Variants in WDR12 observed in about 807,000 individuals in gnomAD.
The protein encoded by WDR12 is ribosome biogenesis protein WDR12.
A neutral mutation model predicts 64.3 loss-of-function variants in WDR12; 42 were observed. That is an observed-to-expected ratio of 0.65 (90% CI 0.51 to 0.84). The LOEUF (loss-of-function observed/expected upper bound fraction) is 0.84. Ranked by LOEUF, WDR12 falls within the 40% of genes least tolerant of loss-of-function variation. The pLI is 0.00. For synonymous variants in WDR12, 158 were observed against 173.3 expected (o/e 0.91, Z 0.70); for missense variants, 469 against 494.6 (o/e 0.95, Z 0.49).
intron 11 of WDR12, 196 bp downstream of exon 11, chr2:202,883,413 G>A (rs965899999): frequency 8.5e-5 from 44 of 517,994 alleles, no homozygotes; most frequent in Non-Finnish European, 1.4e-4. Flanking sequence ...TGGGATTACA[G>A]GTGTGAGCCA....
At chr2:202,881,040 A>ACTGCTC (rs1687940549) in intron 12 of WDR12, 103 bp from the exon 13 acceptor site, 1 of 1,029,054 alleles carries the variant, frequency 9.7e-7, no homozygotes, top group Admixed American at 2.8e-5. Flanking sequence ...TTACAAAAGG[A>ACTGCTC]ATTATGGGTG....
Position 202,911,560 on chromosome 2 carries a change from A to C in WDR12, c.-84T>G. ...GAAGCTCCTGCCTTTTAAGACTACA[A>C]AGAGGCAGCTCAAAATTAGACTGCA... is the stretch of plus-strand genomic sequence containing the variant. On this transcript the variant is annotated 5_prime_UTR_variant, in exon 1 of 13. Coordinates refer to ENST00000261015, the MANE Select transcript of WDR12 (RefSeq NM_018256.4). 7.7e-7 allele frequency: 1 copy of C among 1,306,720 alleles called. No individual in the cohort carries two copies. The highest frequency in any genetic ancestry group is 1.2e-5 in the South Asian group (1 of 84,426). The allele number at this position is 1,306,720 out of a possible 1,614,324, so 80.9% of individuals were successfully genotyped here.
At chr2:202,899,743 A>C in intron 3 of WDR12, 106 bp from the exon 4 acceptor site, 2 of 998,462 alleles carry the variant, frequency 2.0e-6, no homozygotes, top group South Asian at 3.2e-5. Context: ...CCTTCATATT[A>C]GTCCCCTTTA....
At position 202,880,714 on chromosome 2, in the gene WDR12, A is replaced by G. The variant is rs1687933633; in HGVS notation, c.*146T>C. 2.0e-6 allele frequency: 1 copy of G among 493,944 alleles called. No homozygotes were observed. Among genetic ancestry groups the G allele is most frequent in the Non-Finnish European group, 3.5e-6 (1 of 288,704 alleles). The allele number at this position is 493,944 out of a possible 1,614,324, so 30.6% of individuals were successfully genotyped here. On this transcript the variant is annotated 3_prime_UTR_variant, in exon 13 of 13. Transcript: ENST00000261015. ...TCTTATTATAAATACAAAATAAGAA[A>G]AAGTGATACGTTAGCTGTTATGAAG... is the stretch of plus-strand genomic sequence containing the variant.
Position 202,899,032 on chromosome 2 carries a change from G to GTTTT in WDR12, c.338+495_338+498dup, listed in dbSNP as rs779419072. ...GAGTACCTATTAATAAATACCTGTGGTTTTTTTTTTTTTTTTTTTTTTTTT... is the reference window on the plus strand; with the variant it reads ...GAGTACCTATTAATAAATACCTGTGGTTTTTTTTTTTTTTTTTTTTTTTTTTTTT... On this transcript the variant is annotated intron_variant, in intron 4 of 12. Transcript: ENST00000261015. Among the ~76,000 whole-genome samples, 116 of 73,680 alleles carry GTTTT rather than the reference G, an allele frequency of 1.6e-3. 11 individuals carry two copies. The highest frequency in any genetic ancestry group is 5.9e-3 in the African/African-American group (110 of 18,518). The allele number at this position is 73,680 out of a possible 152,430, so 48.3% of individuals were successfully genotyped here. A position where few individuals can be genotyped will look rare whatever the true frequency, so the allele number is the denominator to read the frequency against.
chr2:202,892,631 A>G lies in WDR12; in HGVS notation c.727T>C (p.Leu243=), dbSNP rs778116851. ...RPRKKQKTEQ[L]GLTRTPIVTL... ...CAAATACTGACCCTTGTTAGTCCCA[A>G]CTGTTCTGTCTTCTGTTTCTTTCTT... Residue 243 remains leucine, a synonymous_variant, in exon 8 of 13, where the codon TTG becomes CTG. Transcript: ENST00000261015. 4 of 1,612,776 alleles carry G rather than the reference A, an allele frequency of 2.5e-6. No homozygotes were observed. Among genetic ancestry groups the G allele is most frequent in the Non-Finnish European group, 8.5e-7 (1 of 1,179,232 alleles).
chr2:202,899,045 T>TTG (rs1559162636), intron 4 of WDR12, among the ~76,000 whole-genome samples: 1 of 131,124 alleles, frequency 7.6e-6, no homozygotes, highest in African/African-American at 2.9e-5. Flanking sequence ...TTTTTTTTTT[T>TTG]TTTTTTTTTT....
intron 6 of WDR12, among the ~76,000 whole-genome samples, chr2:202,895,517 CTTTTTTTTTTT>C (rs901435872): frequency 1.8e-5 from 2 of 111,540 alleles, no homozygotes; most frequent in Non-Finnish European, 3.8e-5. Context: ...TCATTTCTTT[CTTTTTTTTTTT>C]TTTTTTTTTT....
In WDR12 at chr2:202,885,315, G is replaced by A. The variant is rs534235817; in HGVS notation, c.742-780C>T. Among the ~76,000 whole-genome samples the A allele has an allele frequency of 2.6e-5, 4 of 152,282 alleles. 1 individual carries two copies. The highest frequency in any genetic ancestry group is 7.2e-5 in the African/African-American group (3 of 41,548). ...AAACCCGTTTCATGTAACGTGTTGC[G>A]TGTGTGCTCTTCCTCACCAGATTCA... On this transcript the variant is annotated intron_variant, in intron 8 of 12. Coordinates refer to ENST00000261015, the MANE Select transcript of WDR12 (RefSeq NM_018256.4).
At chr2:202,890,216 G>A (rs1574404700) in intron 8 of WDR12, among the ~76,000 whole-genome samples, 1 of 152,062 alleles carries the variant, frequency 6.6e-6, no homozygotes, top group South Asian at 2.1e-4. Context: ...GTGACAGAGT[G>A]AGACCCTATC....
intron 4 of WDR12, 44 bp downstream of exon 4, chr2:202,899,487 A>AAAAAC: frequency 6.4e-7 from 1 of 1,561,152 alleles, no homozygotes; most frequent in Non-Finnish European, 8.8e-7. Context: ...TGAAGGAGGT[A>AAAAAC]AAAACAAAAC....
chr2:202,908,512 G>T (rs1265348443), intron 1 of WDR12, among the ~76,000 whole-genome samples: 2 of 152,214 alleles, frequency 1.3e-5, no homozygotes, highest in Non-Finnish European at 2.9e-5. Context: ...GGAAGAAGCA[G>T]TGTGGACGAA....
chr2:202,905,005 C>G (rs1371568653), intron 2 of WDR12, among the ~76,000 whole-genome samples: 1 of 152,128 alleles, frequency 6.6e-6, no homozygotes, highest in East Asian at 1.9e-4. Flanking sequence ...AAAAATTGGG[C>G]AAAAGGTTTG....
intron 1 of WDR12, among the ~76,000 whole-genome samples, chr2:202,909,971 A>G (rs1224106496): frequency 6.6e-6 from 1 of 151,894 alleles, no homozygotes; most frequent in African/African-American, 2.4e-5. Context: ...AATTTTTTGT[A>G]TTTTTGGTAG....
rs1427562322 is a variant in WDR12, at chr2:202,899,573, A to T, written c.296T>A (p.Phe99Tyr). 6.2e-7 allele frequency: 1 copy of T among 1,614,192 alleles called. No homozygotes were observed. The highest frequency in any genetic ancestry group is 8.5e-7 in the Non-Finnish European group (1 of 1,180,024). ...YTAPQPEQCM[F>Y]HDDWISSIKG... ...AATTGAACTGATCCAGTCATCATGG[A>T]ACATGCATTGCTCTGGCTGGGGTGC... The change falls in exon 4 of 13, where the codon TTC (phenylalanine) becomes TAC (tyrosine). Residue 99 changes from phenylalanine (F) to tyrosine (Y), a missense_variant. By Grantham distance (22) the Phe-to-Tyr change is conservative. Transcript: ENST00000261015.
intron 8 of WDR12, among the ~76,000 whole-genome samples, chr2:202,886,172 G>A (rs1014305648): frequency 1.4e-4 from 21 of 151,706 alleles, no homozygotes; most frequent in Non-Finnish European, 2.8e-4. Flanking sequence ...AAAAAAGAGA[G>A]GAGGCCACAC....
chr2:202,901,177 G>T, intron 2 of WDR12, 58 bp from the exon 3 acceptor site: 3 of 1,353,194 alleles, frequency 2.2e-6, no homozygotes, highest in South Asian at 1.6e-5. Context: ...TATTGGCAGA[G>T]GTATATGAGA....
intron 1 of WDR12, 125 bp from the exon 2 acceptor site, chr2:202,908,084 T>C: frequency 2.3e-6 from 2 of 865,994 alleles, no homozygotes; most frequent in Non-Finnish European, 3.7e-6. Context: ...TGCTACATGT[T>C]GTAAACAAAA....
chr2:202,897,904 A>T (rs966952850), intron 4 of WDR12, among the ~76,000 whole-genome samples: 1,045 of 44,966 alleles, frequency 0.023, 4 homozygotes, highest in South Asian at 0.037. Flanking sequence ...AAAAAAAAAA[A>T]AAAAATATAT....
Sources: gnomAD v4.1 joint callset for allele counts (sites outside exome capture counted in the v4.1 genomes callset) on GRCh38, gnomAD v4.1.1 for gene constraint, MANE v1.5 for transcripts, NCBI Gene and HGNC (gene_info 2026-07-23, HGNC 2026-07-21) for gene names.